The following GAL3ST3 variants were observed in gnomAD, a reference collection of about 807,000 sequenced individuals.
The protein encoded by GAL3ST3 is beta-galactose-3-O-sulfotransferase 3.
A neutral mutation model predicts 20.8 loss-of-function variants in GAL3ST3; 21 were observed. The ratio of observed to expected loss-of-function variants is 1.01; its 90% CI spans 0.72 to 1.45. The LOEUF (loss-of-function observed/expected upper bound fraction) is 1.45, where lower values mean the gene tolerates loss of function less well. GAL3ST3 is among the 40% of genes most tolerant of loss of function. The probability of loss-of-function intolerance (pLI) is 0.00; values close to 1 mark genes in which losing one functional copy is unlikely to be tolerated. For missense variants in GAL3ST3, 739 were observed against 662.7 expected (o/e 1.12, Z -1.26); for synonymous variants, 355 against 307.2 (o/e 1.16, Z -1.63).
chr11:66,045,490 C>A lies in GAL3ST3; in HGVS notation c.-75G>T. The A allele has an allele frequency of 7.0e-7, 1 of 1,436,000 alleles. No homozygotes were observed. 89.0% of individuals were successfully genotyped at this position (1,436,000 alleles called of 1,614,324 possible). On this transcript the variant is annotated 5_prime_UTR_variant, in exon 2 of 3. It adds an upstream start codon to the 5' untranslated region. Coordinates refer to ENST00000312006, the MANE Select transcript of GAL3ST3 (RefSeq NM_033036.3). ...CCTTCACAGGCACTCATGGGGGATC[C>A]TGCGGCTCTGGTAGCAGGGCCAGTG...
At position 66,042,466 on chromosome 11, in the gene GAL3ST3, G is replaced by GAGGGC. The variant is rs1856715435; in HGVS notation, c.*36_*40dup. The GAGGGC allele has an allele frequency of 1.4e-6, 2 of 1,393,620 alleles. No homozygotes were observed. Among genetic ancestry groups the GAGGGC allele is most frequent in the African/African-American group, 1.5e-5 (1 of 66,528 alleles). 86.3% of individuals were successfully genotyped at this position (1,393,620 alleles called of 1,614,324 possible). On this transcript the variant is annotated 3_prime_UTR_variant, in exon 3 of 3. Transcript: ENST00000312006. ...AGGCAGCCCCTGGCTGGACTCCTGG[G>GAGGGC]AGGGCAGGGCAGGACCCATACTCCT...
chr11:66,043,570 G>T lies in GAL3ST3; in HGVS notation c.233C>A (p.Thr78Lys), dbSNP rs750515200. Residue 78 changes from threonine to lysine, a missense_variant, in exon 3 of 3, where the codon ACG becomes AAG. Physicochemically the swap from Thr to Lys is moderately conservative, Grantham distance 78. Coordinates refer to ENST00000312006, the MANE Select transcript of GAL3ST3 (RefSeq NM_033036.3). ...FLKTHKTAGT[T>K]VQNILFRFAE... is the part of the protein sequence containing the mutation. ...AAAGCGAAACAGGATGTTCTGCACCGTCGTGCCTGCCGTCTTGTGAGTCTT... is the reference window on the plus strand; with the variant it reads ...AAAGCGAAACAGGATGTTCTGCACCTTCGTGCCTGCCGTCTTGTGAGTCTT... 171 of 1,612,210 alleles carry T rather than the reference G, an allele frequency of 1.1e-4. No homozygotes were observed. The highest frequency in any genetic ancestry group is 1.4e-4 in the Non-Finnish European group (169 of 1,179,914).
Position 66,043,056 on chromosome 11 carries a change from C to T in GAL3ST3, c.747G>A (p.Val249=). The change falls in exon 3 of 3, where the codon GTG becomes GTA. Residue 249 remains valine (V), a synonymous_variant. Coordinates refer to ENST00000312006, the MANE Select transcript of GAL3ST3 (RefSeq NM_033036.3). Reference sequence around the variant, plus strand: ...CCCAGGCCAGTAGGCGCCGCAGCAGCACTAGCGACTCGTCGAAGTACTCGG... The same window carrying T: ...CCCAGGCCAGTAGGCGCCGCAGCAGTACTAGCGACTCGTCGAAGTACTCGG... ...MIAEYFDESL[V]LLRRLLAWDL... 6.2e-7 allele frequency: 1 copy of T among 1,611,432 alleles called. No individual in the cohort carries two copies. Among genetic ancestry groups the T allele is most frequent in the Non-Finnish European group, 8.5e-7 (1 of 1,179,274 alleles).
In GAL3ST3 at chr11:66,041,366, G is replaced by C. The variant is rs909240232; in HGVS notation, c.*1141C>G. 1.3e-5 allele frequency among the ~76,000 whole-genome samples: 2 copies of C among 152,188 alleles called. No individual in the cohort carries two copies. Among genetic ancestry groups the C allele is most frequent in the Non-Finnish European group, 2.9e-5 (2 of 68,026 alleles). On this transcript the variant is annotated 3_prime_UTR_variant, in exon 3 of 3. Coordinates refer to ENST00000312006, the MANE Select transcript of GAL3ST3 (RefSeq NM_033036.3). ...CAGAAAAAGTTCCAATTCTCTGCTA[G>C]TCTTAAGGGAGATTTCACCTGGAAG...
chr11:66,044,943 T>G, intron 2 of GAL3ST3: 1 of 171,266 alleles, frequency 5.8e-6, no homozygotes, highest in Non-Finnish European at 1.3e-5. Flanking sequence ...GTGTCACACA[T>G]ATCATGTCTC....
At chr11:66,046,608 G>C (rs1212448195) in intron 1 of GAL3ST3, among the ~76,000 whole-genome samples, 2 of 152,176 alleles carry the variant, frequency 1.3e-5, no homozygotes, top group Non-Finnish European at 2.9e-5. Flanking sequence ...GAGAGGGGAG[G>C]AGGGCTTGGT....
chr11:66,045,687 C>T lies in GAL3ST3; in HGVS notation c.-112-160G>A. 5 of 302,252 alleles carry T rather than the reference C, an allele frequency of 1.7e-5. No homozygotes were observed. In the South Asian group the frequency reaches 5.2e-4, roughly 32 times the overall value. 18.7% of individuals were successfully genotyped at this position (302,252 alleles called of 1,614,324 possible). Reference sequence around the variant, plus strand: ...ATCAAGACCCTATCTCCTCACTGCTCCAGATAACTTAGTCTTGGGTGGAAT... The same window carrying T: ...ATCAAGACCCTATCTCCTCACTGCTTCAGATAACTTAGTCTTGGGTGGAAT... On this transcript the variant is annotated intron_variant, in intron 1 of 2. Transcript: ENST00000312006.
Position 66,043,221 on chromosome 11 carries a change from G to A in GAL3ST3, c.582C>T (p.Gly194=), listed in dbSNP as rs146692707. ...TGTGTGCGAACATGGCGAAGTGCTC[G>A]CCAGCGCGGTAGTATGCCTCGGGCG... is the stretch of plus-strand genomic sequence containing the variant. ...LRAPEAYYRA[G]EHFAMFAHNT... is the part of the protein sequence containing the mutation. Residue 194 remains glycine (G), a synonymous_variant, in exon 3 of 3, where the codon GGC becomes GGT. Coordinates refer to ENST00000312006, the MANE Select transcript of GAL3ST3 (RefSeq NM_033036.3). 1 of 1,612,372 alleles carries A rather than the reference G, an allele frequency of 6.2e-7. No homozygotes were observed. The highest frequency in any genetic ancestry group is 8.5e-7 in the Non-Finnish European group (1 of 1,179,482).
In GAL3ST3 at chr11:66,043,195, TTG is replaced by T. The variant is rs1449001087; in HGVS notation, c.606_607del (p.His202GlnfsTer12). 6.2e-7 allele frequency: 1 copy of T among 1,612,162 alleles called. No individual in the cohort carries two copies. Among genetic ancestry groups the T allele is most frequent in the Non-Finnish European group, 8.5e-7 (1 of 1,179,434 alleles). On this transcript the variant is annotated frameshift_variant, in exon 3 of 3. Coordinates refer to ENST00000312006, the MANE Select transcript of GAL3ST3 (RefSeq NM_033036.3). LOFTEE classifies it high-confidence loss of function. The stretch of plus-strand genomic sequence containing the variant: ...GCCGCCCAGGTCGTAGGCCAGCGTG[TTG>T]TGTGCGAACATGGCGAAGTGCTCGC...
Position 66,045,281 on chromosome 11 carries a change from G to T in GAL3ST3, c.125+10C>A. The T allele has an allele frequency of 6.5e-7, 1 of 1,533,068 alleles. No homozygotes were observed. The highest frequency in any genetic ancestry group is 2.5e-5 in the East Asian group (1 of 39,810). The allele number at this position is 1,533,068 out of a possible 1,614,324, so 95.0% of individuals were successfully genotyped here. On this transcript the variant is annotated intron_variant, in intron 2 of 2. Transcript: ENST00000312006. ...GGAGCTCCGGCCCCCCTGGGGCCCCGCCCCCTTACCAGCTGAGCTGCGCCC... is the reference window on the plus strand; with the variant it reads ...GGAGCTCCGGCCCCCCTGGGGCCCCTCCCCCTTACCAGCTGAGCTGCGCCC...
intron 1 of GAL3ST3, among the ~76,000 whole-genome samples, chr11:66,048,478 A>T (rs1590702414): frequency 6.6e-6 from 1 of 151,276 alleles, no homozygotes. Flanking sequence ...TGGCCCGGAG[A>T]CTCCATCCTG....
Position 66,043,098 on chromosome 11 carries a change from G to GA in GAL3ST3, c.704dup (p.Ser236LeufsTer133). 1 of 1,611,990 alleles carries GA rather than the reference G, an allele frequency of 6.2e-7. No individual in the cohort carries two copies. The highest frequency in any genetic ancestry group is 8.5e-7 in the Non-Finnish European group (1 of 1,179,426). ...AGTACTCGGCGATCATGACGAGCGA[G>GA]AAAACCTCCTCCACCTGGCGGATGA... On this transcript the variant is annotated frameshift_variant, in exon 3 of 3. Transcript: ENST00000312006. LOFTEE classifies it high-confidence loss of function.
intron 1 of GAL3ST3, among the ~76,000 whole-genome samples, chr11:66,048,565 G>A (rs760809953): frequency 1.3e-5 from 2 of 152,078 alleles, no homozygotes; most frequent in Non-Finnish European, 2.9e-5. Context: ...GCGAAGGGCT[G>A]AGGGGGTCTG....
Position 66,042,553 on chromosome 11 carries a change from G to A in GAL3ST3, c.1250C>T (p.Pro417Leu), listed in dbSNP as rs1478765069. 3.9e-6 allele frequency: 6 copies of A among 1,523,050 alleles called. No individual in the cohort carries two copies. In the East Asian group the frequency reaches 7.3e-5, roughly 19 times the overall value. 94.3% of individuals were successfully genotyped at this position (1,523,050 alleles called of 1,614,324 possible). ...ARPEPVLDNPPPRPIRVLPRG... is the reference protein window; with the variant it reads ...ARPEPVLDNPLPRPIRVLPRG... Reference sequence around the variant, plus strand: ...AGGCAGCACTCGGATGGGCCGAGGCGGGGGATTGTCCAGGACGGGCTCGGG... The same window carrying A: ...AGGCAGCACTCGGATGGGCCGAGGCAGGGGATTGTCCAGGACGGGCTCGGG... The change falls in exon 3 of 3, where the codon CCG becomes CTG. Residue 417 changes from proline (P) to leucine (L), a missense_variant. By Grantham distance (98) the Pro-to-Leu change is moderately conservative. Coordinates refer to ENST00000312006, the MANE Select transcript of GAL3ST3 (RefSeq NM_033036.3).
chr11:66,042,106 G>C lies in GAL3ST3; in HGVS notation c.*401C>G. The stretch of plus-strand genomic sequence containing the variant: ...AAAGTATAGGGAGCCTCAAGCCCTG[G>C]GAGGGAGAGCAAGAGCAGCCTTTCC... On this transcript the variant is annotated 3_prime_UTR_variant, in exon 3 of 3. Coordinates refer to ENST00000312006, the MANE Select transcript of GAL3ST3 (RefSeq NM_033036.3). 1 of 169,952 alleles carries C rather than the reference G, an allele frequency of 5.9e-6. No individual in the cohort carries two copies. 10.5% of individuals were successfully genotyped at this position (169,952 alleles called of 1,614,324 possible). A position where few individuals can be genotyped will look rare whatever the true frequency, so the allele number is the denominator to read the frequency against.
rs1267570518 is a variant in GAL3ST3 at position 66,042,882 on chromosome 11, G to A, written c.921C>T (p.Arg307=). ...LYDHFNATFW[R]HVARAGRACV... is the part of the protein sequence containing the mutation. ...ACGCGCGGCCCGCGCGCGCCACGTG[G>A]CGCCAGAAGGTGGCGTTGAAGTGGT... Residue 307 remains arginine, a synonymous_variant, in exon 3 of 3, where the codon CGC becomes CGT. Transcript: ENST00000312006. 3 of 1,179,718 alleles carry A rather than the reference G, an allele frequency of 2.5e-6. No individual in the cohort carries two copies. Among genetic ancestry groups the A allele is most frequent in the Non-Finnish European group, 3.2e-6 (3 of 946,974 alleles). The allele number at this position is 1,179,718 out of a possible 1,614,324, so 73.1% of individuals were successfully genotyped here.
chr11:66,043,349 G>A lies in GAL3ST3; in HGVS notation c.454C>T (p.Arg152Cys), dbSNP rs762451590. 7 of 1,609,506 alleles carry A rather than the reference G, an allele frequency of 4.3e-6. No homozygotes were observed. Among genetic ancestry groups the A allele is most frequent in the East Asian group, 4.5e-5 (2 of 44,646 alleles). Reference protein sequence around the residue: ...PPSTVYVTILREPAAMFESLF... With the variant: ...PPSTVYVTILCEPAAMFESLF... Reference sequence around the variant, plus strand: ...GACTCGAACATGGCGGCCGGCTCGCGCAGGATGGTGACATAGACGGTGCTG... The same window carrying A: ...GACTCGAACATGGCGGCCGGCTCGCACAGGATGGTGACATAGACGGTGCTG... The change falls in exon 3 of 3, where the codon CGC becomes TGC. Residue 152 changes from arginine to cysteine, a missense_variant. Coordinates refer to ENST00000312006, the MANE Select transcript of GAL3ST3 (RefSeq NM_033036.3).
At position 66,044,795 on chromosome 11, in the gene GAL3ST3, C is replaced by T. The variant is rs538578008; in HGVS notation, c.125+496G>A. Among the ~76,000 whole-genome samples the T allele has an allele frequency of 3.9e-5, 6 of 152,324 alleles. No individual in the cohort carries two copies. In the South Asian group the frequency reaches 1.2e-3, roughly 32 times the overall value. On this transcript the variant is annotated intron_variant, in intron 2 of 2. Coordinates refer to ENST00000312006, the MANE Select transcript of GAL3ST3 (RefSeq NM_033036.3). The stretch of plus-strand genomic sequence containing the variant: ...GGGGGCTGGGCGCATTCACACCATT[C>T]TCAGGGGCAGACAGTGTAGAAAATG...
rs373015057 is a variant in GAL3ST3 at position 66,043,602 on chromosome 11, G to T, written c.201C>A (p.Ala67=). ...CTGCCGTCTTGTGAGTCTTCAGGAAGGCCACAGTCATGTGCTTGGGGCGCG... is the reference window on the plus strand; with the variant it reads ...CTGCCGTCTTGTGAGTCTTCAGGAATGCCACAGTCATGTGCTTGGGGCGCG... ...SPPRPKHMTV[A]FLKTHKTAGT... Residue 67 remains alanine, a synonymous_variant, in exon 3 of 3, where the codon GCC becomes GCA. Coordinates refer to ENST00000312006, the MANE Select transcript of GAL3ST3 (RefSeq NM_033036.3). 19 of 1,612,744 alleles carry T rather than the reference G, an allele frequency of 1.2e-5. No individual in the cohort carries two copies. Among genetic ancestry groups the T allele is most frequent in the Non-Finnish European group, 1.5e-5 (18 of 1,179,888 alleles).
Sources: gnomAD v4.1 joint callset for allele counts (sites outside exome capture counted in the v4.1 genomes callset) on GRCh38, gnomAD v4.1.1 for gene constraint, MANE v1.5 for transcripts, NCBI Gene and HGNC (gene_info 2026-07-23, HGNC 2026-07-21) for gene names.